SND1: variants seen among roughly 807,000 people sequenced by gnomAD.
SND1 encodes staphylococcal nuclease domain-containing protein 1.
SND1 carries 38 observed loss-of-function variants against 121.7 expected under a neutral mutation model. The observed-to-expected ratio is 0.31, with a 90% CI of 0.24 to 0.41. The LOEUF (loss-of-function observed/expected upper bound fraction) is 0.41, where lower values mean the gene tolerates loss of function less well. Ranked by LOEUF, SND1 falls within the 10% of genes least tolerant of loss-of-function variation. SND1 has a pLI of 1.00. For missense variants in SND1, 868 were observed against 1,184.6 expected, an observed-to-expected ratio of 0.73 and a Z score of 3.92; for synonymous variants, 401 against 447.4, an observed-to-expected ratio of 0.90 and a Z score of 1.31.
intron 15 of SND1, among the ~76,000 whole-genome samples, chr7:127,968,928 G>A (rs900586901): frequency 3.9e-5 from 6 of 152,118 alleles, no homozygotes; most frequent in African/African-American, 7.2e-5. Context: ...ATCAGCAACC[G>A]CCCCCACAGT....
intron 14 of SND1, among the ~76,000 whole-genome samples, chr7:127,908,506 C>A (rs1800393473): frequency 6.6e-6 from 1 of 152,012 alleles, no homozygotes; most frequent in South Asian, 2.1e-4. Context: ...AGAGTAGGAA[C>A]TGGGCTATTA....
In SND1 at chr7:127,772,217, C is replaced by T. The variant is rs940675163; in HGVS notation, c.1153-35267C>T. 1.1e-4 allele frequency among the ~76,000 whole-genome samples: 17 copies of T among 152,128 alleles called. 1 individual carries two copies. The highest frequency in any genetic ancestry group is 2.2e-4 in the Non-Finnish European group (15 of 68,026). The stretch of plus-strand genomic sequence containing the variant: ...GTCCTTGAATCTTACAGGCTTAGAC[C>T]TGGAGGAGACTCTGAGAGTATGTGT... On this transcript the variant is annotated intron_variant, in intron 10 of 23. Coordinates refer to ENST00000354725, the MANE Select transcript of SND1 (RefSeq NM_014390.4).
At chr7:127,941,777 G>A (rs181159832) in intron 15 of SND1, among the ~76,000 whole-genome samples, 4 of 149,782 alleles carry the variant, frequency 2.7e-5, no homozygotes, top group African/African-American at 9.8e-5. Flanking sequence ...GAATGATGTC[G>A]TATGTGCAGG....
intron 10 of SND1, among the ~76,000 whole-genome samples, chr7:127,778,783 C>T (rs1797667309): frequency 6.6e-6 from 1 of 152,176 alleles, no homozygotes; most frequent in Non-Finnish European, 1.5e-5. Context: ...TAGTGTCACT[C>T]AGGCTTACTT....
At chr7:127,670,445 T>G (rs1795496854) in intron 1 of SND1, among the ~76,000 whole-genome samples, 1 of 152,162 alleles carries the variant, frequency 6.6e-6, no homozygotes, top group African/African-American at 2.4e-5. Flanking sequence ...ATAATACGAT[T>G]CTTTTTTGAA....
intron 12 of SND1, chr7:127,857,982 C>T: frequency 6.9e-7 from 1 of 1,443,214 alleles, no homozygotes; most frequent in Non-Finnish European, 9.7e-7. Context: ...TGGTGAAGGG[C>T]CCATGCAGCT....
intron 11 of SND1, among the ~76,000 whole-genome samples, chr7:127,829,932 A>G (rs764777411): frequency 6.6e-6 from 1 of 152,226 alleles, no homozygotes; most frequent in Non-Finnish European, 1.5e-5. Context: ...CTTTTCAGTG[A>G]ATTGGATAAG....
intron 16 of SND1, among the ~76,000 whole-genome samples, chr7:128,036,201 A>G (rs572017403): frequency 1.2e-4 from 10 of 83,078 alleles, no homozygotes; most frequent in African/African-American, 5.5e-4. Context: ...TAATGAACAC[A>G]TTTGTGTGTG....
At chr7:128,079,486 A>G (rs1793561746) in intron 17 of SND1, among the ~76,000 whole-genome samples, 1 of 152,240 alleles carries the variant, frequency 6.6e-6, no homozygotes, top group Non-Finnish European at 1.5e-5. Context: ...GAAGGTGAGA[A>G]GGGGTCAGGA....
At chr7:127,665,925 G>A (rs756818833) in intron 1 of SND1, among the ~76,000 whole-genome samples, 4 of 152,116 alleles carry the variant, frequency 2.6e-5, no homozygotes, top group Non-Finnish European at 5.9e-5. Flanking sequence ...TATTCCTCCC[G>A]GTGTGTAAGG....
At chr7:127,774,306 A>G (rs570888068) in intron 10 of SND1, among the ~76,000 whole-genome samples, 6 of 152,258 alleles carry the variant, frequency 3.9e-5, no homozygotes, top group Non-Finnish European at 7.3e-5. Flanking sequence ...ACTTTAAGAC[A>G]ATAAAACTTT....
intron 10 of SND1, among the ~76,000 whole-genome samples, chr7:127,757,448 T>C (rs906063465): frequency 6.6e-6 from 1 of 152,224 alleles, no homozygotes; most frequent in South Asian, 2.1e-4. Flanking sequence ...GGAATTATAT[T>C]GTTGGGTCAT....
At chr7:128,007,073 C>T (rs944580817) in intron 16 of SND1, among the ~76,000 whole-genome samples, 3 of 152,178 alleles carry the variant, frequency 2.0e-5, no homozygotes, top group Non-Finnish European at 2.9e-5. Context: ...CTGCAGTATG[C>T]GGATGCCAGG....
intron 15 of SND1, among the ~76,000 whole-genome samples, chr7:127,976,475 G>A (rs1802123261): frequency 6.6e-6 from 1 of 152,228 alleles, no homozygotes; most frequent in Non-Finnish European, 1.5e-5. Flanking sequence ...CATGACAGTT[G>A]AAATCCTGGT....
intron 11 of SND1, among the ~76,000 whole-genome samples, chr7:127,815,659 A>T (rs958418933): frequency 1.3e-5 from 2 of 152,158 alleles, no homozygotes; most frequent in African/African-American, 4.8e-5. Flanking sequence ...CCAGCTAGGA[A>T]GAGGCAAGGA....
chr7:128,029,472 G>C lies in SND1; in HGVS notation c.1779+38416G>C. On this transcript the variant is annotated intron_variant, in intron 16 of 23. Coordinates refer to ENST00000354725, the MANE Select transcript of SND1 (RefSeq NM_014390.4). This position sits in a 1 kb window ranked among gnomAD's most constrained non-coding sequence, Gnocchi z 4.2. ...GTGGCGGGAGGCGTGGCTGAGCACT[G>C]TCCCATTGGGCAGCAACCACTTCAC... The C allele has an allele frequency of 6.2e-7, 1 of 1,614,160 alleles. No homozygotes were observed. The highest frequency in any genetic ancestry group is 1.1e-5 in the South Asian group (1 of 91,084).
Position 128,089,579 on chromosome 7 carries a change from T to C in SND1, c.2509T>C (p.Cys837Arg), listed in dbSNP as rs1793742445. The stretch of plus-strand genomic sequence containing the variant: ...CAACGTGGAACACCTGAGTGCCGGC[T>C]GCCCCCATGTCACCCTGCAGTTTGC... ...LLNVEHLSAG[C>R]PHVTLQFADS... The change falls in exon 22 of 24, where the codon TGC (cysteine) becomes CGC (arginine). Residue 837 changes from cysteine to arginine, a missense_variant. Around this residue, in one of 2 missense-constraint regions of SND1, gnomAD observed 743 missense variants for 1,071.3 expected, o/e 0.69. Coordinates refer to ENST00000354725, the MANE Select transcript of SND1 (RefSeq NM_014390.4). The C allele has an allele frequency of 6.2e-7, 1 of 1,614,102 alleles. No individual in the cohort carries two copies. The highest frequency in any genetic ancestry group is 8.5e-7 in the Non-Finnish European group (1 of 1,180,030).
intron 10 of SND1, among the ~76,000 whole-genome samples, chr7:127,798,971 T>TGGAACGTCAAGGCTACAGTGAGCCC (rs542977174): frequency 0.013 from 2,022 of 152,286 alleles, 47 homozygotes; most frequent in African/African-American, 0.047. Flanking sequence ...CATGTGAGCC[T>TGGAACGTCAAGGCTACAGTGAGCCC]GGAACGTCAA....
chr7:127,834,273 A>G (rs1798825047), intron 11 of SND1, among the ~76,000 whole-genome samples: 1 of 152,200 alleles, frequency 6.6e-6, no homozygotes, highest in Non-Finnish European at 1.5e-5. Context: ...AAGCTAAGCA[A>G]TATTTTTGCA....
Sources: gnomAD v4.1 joint callset for allele counts (sites outside exome capture counted in the v4.1 genomes callset) on GRCh38, gnomAD v4.1.1 for gene constraint, gnomAD v4.1.1 regional missense constraint, Gnocchi (gnomAD v3.1) non-coding constraint, MANE v1.5 for transcripts, NCBI Gene and HGNC (gene_info 2026-07-23, HGNC 2026-07-21) for gene names.